The following ZFYVE9 variants were observed in gnomAD, a reference collection of about 807,000 sequenced individuals.
ZFYVE9 encodes zinc finger FYVE-type containing 9.
Under a neutral mutation model 126.7 loss-of-function variants are expected in ZFYVE9, and 43 were observed. The ratio of observed to expected loss-of-function variants is 0.34; its 90% CI spans 0.27 to 0.44. ZFYVE9 has a LOEUF of 0.44. Ranked by LOEUF, ZFYVE9 falls within the 20% of genes least tolerant of loss-of-function variation. The probability of loss-of-function intolerance (pLI) is 1.00; values close to 1 mark genes in which losing one functional copy is unlikely to be tolerated. For missense variants in ZFYVE9, 1,476 were observed against 1,697.0 expected (o/e 0.87, Z 2.29); for synonymous variants, 521 against 597.4 (o/e 0.87, Z 1.87).
intron 2 of ZFYVE9, among the ~76,000 whole-genome samples, chr1:52,222,049 T>C (rs1334836319): frequency 6.6e-6 from 1 of 152,204 alleles, no homozygotes; most frequent in Non-Finnish European, 1.5e-5. Flanking sequence ...CTTTACTGAT[T>C]AGGTGTCCTA....
chr1:52,266,903 A>ACAG, intron 6 of ZFYVE9, 72 bp downstream of exon 6: 1 of 1,378,880 alleles, frequency 7.3e-7, no homozygotes. Flanking sequence ...ATATGACTTT[A>ACAG]CAGCACAAGT....
intron 1 of ZFYVE9, among the ~76,000 whole-genome samples, chr1:52,173,585 TC>T (rs1470134059): frequency 6.6e-6 from 1 of 152,222 alleles, no homozygotes; most frequent in Non-Finnish European, 1.5e-5. Context: ...TGGTACCAGT[TC>T]CTCCTTGTAC....
At chr1:52,253,847 C>A in intron 4 of ZFYVE9, 1 of 1,384,588 alleles carries the variant, frequency 7.2e-7, no homozygotes, top group Non-Finnish European at 1.0e-6. Flanking sequence ...ACAGTTAAGA[C>A]ATTATATATT....
In ZFYVE9 at chr1:52,297,162, A is replaced by G. The variant is rs538718006; in HGVS notation, c.3333+1185A>G. On this transcript the variant is annotated intron_variant, in intron 12 of 18. Coordinates refer to ENST00000287727, the MANE Select transcript of ZFYVE9 (RefSeq NM_004799.4). Reference sequence around the variant, plus strand: ...CCCTGGTTGAACTACCTAACTACCTAATGGGGCTAGGGGGCAGCCCCAGGC... The same window carrying G: ...CCCTGGTTGAACTACCTAACTACCTGATGGGGCTAGGGGGCAGCCCCAGGC... Among the ~76,000 whole-genome samples, 6 of 152,116 alleles carry G rather than the reference A, an allele frequency of 3.9e-5. No individual in the cohort carries two copies. The East Asian group carries it at 5.8e-4, about 15-fold the overall frequency.
intron 15 of ZFYVE9, 108 bp from the exon 16 acceptor site, chr1:52,337,664 T>C (rs1441692852): frequency 7.8e-7 from 1 of 1,288,788 alleles, no homozygotes. Context: ...TCTGTATCAG[T>C]CAGCTTTGGA....
intron 14 of ZFYVE9, among the ~76,000 whole-genome samples, chr1:52,334,103 A>C (rs1646368741): frequency 6.6e-6 from 1 of 152,126 alleles, no homozygotes; most frequent in South Asian, 2.1e-4. Flanking sequence ...AAAAAAAAAA[A>C]AAAAAACTTA....
intron 1 of ZFYVE9, among the ~76,000 whole-genome samples, chr1:52,213,897 G>A (rs532998374): frequency 1.2e-4 from 18 of 152,224 alleles, no homozygotes; most frequent in Non-Finnish European, 2.4e-4. Context: ...AGACTCCAAG[G>A]TTCTCTAAGG....
chr1:52,148,982 T>G lies in ZFYVE9; in HGVS notation c.-143+6579T>G, dbSNP rs1025527002. On this transcript the variant is annotated intron_variant, in intron 1 of 18. Coordinates refer to ENST00000287727, the MANE Select transcript of ZFYVE9 (RefSeq NM_004799.4). ...TTTTTTTTTTTTTTTTTTTTTTTTT[T>G]GAGATAGACTCTCGCTCTGTCAACC... Among the ~76,000 whole-genome samples the G allele has an allele frequency of 1.0e-4, 12 of 114,498 alleles. No homozygotes were observed. In the South Asian group the frequency reaches 2.8e-3, roughly 26 times the overall value. The allele number at this position is 114,498 out of a possible 152,430, so 75.1% of individuals were successfully genotyped here. A position where few individuals can be genotyped will look rare whatever the true frequency, so the allele number is the denominator to read the frequency against.
At chr1:52,256,016 CCTTT>C (rs1255125321) in intron 4 of ZFYVE9, among the ~76,000 whole-genome samples, 18 of 131,838 alleles carry the variant, frequency 1.4e-4, no homozygotes, top group African/African-American at 3.5e-4. Context: ...TTCCTTCTTT[CCTTT>C]CTTTCTTTCT....
At chr1:52,188,998 C>T (rs1485654274) in intron 1 of ZFYVE9, among the ~76,000 whole-genome samples, 1 of 152,010 alleles carries the variant, frequency 6.6e-6, no homozygotes, top group Non-Finnish European at 1.5e-5. Context: ...AGTGCAGTGG[C>T]ATGATCTCGG....
chr1:52,166,508 A>T (rs1259343398), intron 1 of ZFYVE9, among the ~76,000 whole-genome samples: 1 of 152,184 alleles, frequency 6.6e-6, no homozygotes, highest in Non-Finnish European at 1.5e-5. Context: ...TAACTGACTT[A>T]ATCATTTTAA....
chr1:52,168,209 G>A (rs929113193), intron 1 of ZFYVE9, among the ~76,000 whole-genome samples: 18 of 142,248 alleles, frequency 1.3e-4, no homozygotes, highest in Admixed American at 1.1e-3. Flanking sequence ...CCTCCTCTTC[G>A]TCTTCTTTTT....
chr1:52,284,710 C>T (rs909761655), intron 10 of ZFYVE9, among the ~76,000 whole-genome samples: 8 of 152,072 alleles, frequency 5.3e-5, no homozygotes, highest in African/African-American at 1.7e-4. Flanking sequence ...TGAGCCACCG[C>T]GCCCAGCAAT....
At chr1:52,196,040 C>T (rs1644857068) in intron 1 of ZFYVE9, among the ~76,000 whole-genome samples, 1 of 152,128 alleles carries the variant, frequency 6.6e-6, no homozygotes, top group African/African-American at 2.4e-5. Context: ...GATCCGCCTA[C>T]CTTGGCCTCC....
chr1:52,172,394 G>A (rs1644581879), intron 1 of ZFYVE9, among the ~76,000 whole-genome samples: 1 of 152,100 alleles, frequency 6.6e-6, no homozygotes, highest in Non-Finnish European at 1.5e-5. Flanking sequence ...TGCTGTTTTG[G>A]TTACTGTAGC....
chr1:52,323,517 T>C (rs1213593617), intron 13 of ZFYVE9, among the ~76,000 whole-genome samples: 1 of 152,232 alleles, frequency 6.6e-6, no homozygotes, highest in Non-Finnish European at 1.5e-5. Context: ...CTGGCACGTA[T>C]TAGATACTCA....
chr1:52,154,033 A>G (rs1276919653), intron 1 of ZFYVE9, among the ~76,000 whole-genome samples: 2 of 152,210 alleles, frequency 1.3e-5, no homozygotes, highest in South Asian at 4.1e-4. Context: ...GTCCTTTTGT[A>G]TGGAGCTGTT....
At chr1:52,264,991 A>G (rs997608780) in intron 5 of ZFYVE9, among the ~76,000 whole-genome samples, 2 of 152,238 alleles carry the variant, frequency 1.3e-5, no homozygotes, top group African/African-American at 4.8e-5. Flanking sequence ...TTCACAGATA[A>G]GAGCATGCTG....
chr1:52,316,675 A>G (rs1385475640), intron 13 of ZFYVE9, among the ~76,000 whole-genome samples: 1 of 152,220 alleles, frequency 6.6e-6, no homozygotes, highest in East Asian at 1.9e-4. Flanking sequence ...TATCTAAATA[A>G]CAGAGCTTCA....
Sources: allele counts gnomAD v4.1 joint callset (sites outside exome capture counted in the v4.1 genomes callset), GRCh38; gene constraint gnomAD v4.1.1; transcripts MANE v1.5; gene names NCBI Gene and HGNC (gene_info 2026-07-23, HGNC 2026-07-21).